Variants in GABRG3 observed in about 807,000 individuals in gnomAD.
The protein encoded by GABRG3 is gamma-aminobutyric acid receptor subunit gamma-3.
In GABRG3, 25 loss-of-function variants were observed where a neutral mutation model predicts 48.8. That is an observed-to-expected ratio of 0.51 (90% CI 0.37 to 0.72). The LOEUF (loss-of-function observed/expected upper bound fraction) is 0.72. GABRG3 is among the 30% of genes least tolerant of loss of function. GABRG3 has a pLI of 0.00. For synonymous variants in GABRG3, 227 were observed against 217.6 expected (o/e 1.04, Z -0.38); for missense variants, 394 against 577.9 (o/e 0.68, Z 3.26).
intron 6 of GABRG3, among the ~76,000 whole-genome samples, chr15:27,518,408 A>G (rs919870758): frequency 6.7e-6 from 1 of 148,906 alleles, no homozygotes; most frequent in Non-Finnish European, 1.5e-5. Flanking sequence ...AGTCTTTTTC[A>G]TTCAGCAAAT....
intron 3 of GABRG3, among the ~76,000 whole-genome samples, chr15:27,170,119 G>A (rs760236845): frequency 1.3e-5 from 2 of 152,208 alleles, no homozygotes; most frequent in Non-Finnish European, 2.9e-5. Flanking sequence ...GGAAACGGGA[G>A]CCTACTGAAG....
At chr15:27,326,764 A>C in intron 3 of GABRG3, 45 bp from the exon 4 acceptor site, 1 of 1,457,610 alleles carries the variant, frequency 6.9e-7, no homozygotes, top group South Asian at 1.1e-5. Flanking sequence ...TATACAGAAC[A>C]TTTATTAATA....
chr15:27,434,097 C>T (rs1888537256), intron 5 of GABRG3, among the ~76,000 whole-genome samples: 1 of 152,180 alleles, frequency 6.6e-6, no homozygotes, highest in Non-Finnish European at 1.5e-5. Context: ...AAATTTCATG[C>T]AGCTGATTTC....
intron 3 of GABRG3, among the ~76,000 whole-genome samples, chr15:27,172,316 C>A (rs888298390): frequency 6.6e-6 from 1 of 152,060 alleles, no homozygotes; most frequent in Non-Finnish European, 1.5e-5. Context: ...CTTTTGAAAT[C>A]TTGGAAGGCT....
chr15:27,116,453 C>G (rs752630430), intron 3 of GABRG3, among the ~76,000 whole-genome samples: 1 of 152,150 alleles, frequency 6.6e-6, no homozygotes, highest in Non-Finnish European at 1.5e-5. Context: ...GAAACATCCA[C>G]TATCTACCTA....
chr15:27,176,575 CA>C (rs1217966680), intron 3 of GABRG3, among the ~76,000 whole-genome samples: 2 of 152,286 alleles, frequency 1.3e-5, no homozygotes, highest in African/African-American at 4.8e-5. Context: ...CTAAGAATAA[CA>C]GTTGTCACTT....
chr15:27,514,106 G>C (rs191505574), intron 6 of GABRG3, among the ~76,000 whole-genome samples: 68 of 152,266 alleles, frequency 4.5e-4, no homozygotes, highest in African/African-American at 1.6e-3. Context: ...TTTTTAAACT[G>C]ATTCTACAAT....
At chr15:27,304,504 G>A (rs1001001608) in intron 3 of GABRG3, among the ~76,000 whole-genome samples, 4 of 151,918 alleles carry the variant, frequency 2.6e-5, no homozygotes, top group Non-Finnish European at 5.9e-5. Flanking sequence ...AGCAGAATTC[G>A]TTCTAGAATG....
At chr15:27,388,369 A>AAAGG (rs1229639979) in intron 5 of GABRG3, among the ~76,000 whole-genome samples, 2 of 31,934 alleles carry the variant, frequency 6.3e-5, no homozygotes, top group African/African-American at 9.2e-5. Context: ...AGGAAGGAAG[A>AAAGG]AAGGAAGGAA....
chr15:27,148,597 A>C (rs1898253213), intron 3 of GABRG3, among the ~76,000 whole-genome samples: 1 of 152,034 alleles, frequency 6.6e-6, no homozygotes, highest in Non-Finnish European at 1.5e-5. Context: ...TGTTGCAAAG[A>C]TTCTCAACAA....
chr15:27,202,554 C>A (rs1888718508), intron 3 of GABRG3, among the ~76,000 whole-genome samples: 1 of 152,044 alleles, frequency 6.6e-6, no homozygotes, highest in Non-Finnish European at 1.5e-5. Flanking sequence ...TAAATGTGAC[C>A]ATTTCCCTAC....
At chr15:27,112,954 C>T (rs527533578) in intron 3 of GABRG3, among the ~76,000 whole-genome samples, 1 of 152,264 alleles carries the variant, frequency 6.6e-6, no homozygotes, top group Non-Finnish European at 1.5e-5. Context: ...AGAATAAAGT[C>T]TAGAAATGTT....
At chr15:27,203,259 G>A (rs899303455) in intron 3 of GABRG3, among the ~76,000 whole-genome samples, 5 of 152,040 alleles carry the variant, frequency 3.3e-5, no homozygotes, top group Non-Finnish European at 7.4e-5. Context: ...ATGTGTACTC[G>A]ATGTTTAGCT....
intron 6 of GABRG3, among the ~76,000 whole-genome samples, chr15:27,501,833 T>A (rs1283456969): frequency 6.6e-6 from 1 of 152,040 alleles, no homozygotes; most frequent in Non-Finnish European, 1.5e-5. Flanking sequence ...ACACCTCTGG[T>A]TTGTCATATT....
intron 3 of GABRG3, among the ~76,000 whole-genome samples, chr15:27,209,328 CTCTT>C (rs200595889): frequency 3.0e-4 from 45 of 148,386 alleles, no homozygotes; most frequent in Admixed American, 2.2e-3. Context: ...CTGGGAAATG[CTCTT>C]TCTTTCTTTC....
chr15:27,029,278 CT>C (rs149380649), intron 3 of GABRG3, among the ~76,000 whole-genome samples: 8,999 of 152,292 alleles, frequency 0.059, 305 homozygotes, highest in Admixed American at 0.073. Flanking sequence ...CTAGCAAGTG[CT>C]TTCCTCTGCA....
In GABRG3 at chr15:27,206,825, A is replaced by G. The variant is rs574920661; in HGVS notation, c.271-119984A>G. ...GGTAATATCCTTCTGTGTCCTTTTG[A>G]TCATTGTTGGTTTAGTCTGTTTTGT... is the stretch of plus-strand genomic sequence containing the variant. On this transcript the variant is annotated intron_variant, in intron 3 of 9. Transcript: ENST00000615808. 1.3e-4 allele frequency among the ~76,000 whole-genome samples: 20 copies of G among 151,946 alleles called. No homozygotes were observed. In the Middle Eastern group the frequency reaches 0.01, roughly 78 times the overall value.
intron 3 of GABRG3, among the ~76,000 whole-genome samples, chr15:27,119,410 T>C (rs1421156878): frequency 6.6e-6 from 1 of 152,250 alleles, no homozygotes; most frequent in African/African-American, 2.4e-5. Flanking sequence ...GATATAACTT[T>C]TTCAGTCCTA....
At chr15:27,058,824 G>C (rs759963466) in intron 3 of GABRG3, among the ~76,000 whole-genome samples, 1 of 152,084 alleles carries the variant, frequency 6.6e-6, no homozygotes, top group African/African-American at 2.4e-5. Context: ...ATGCCATATC[G>C]TATAAAGTAA....
Sources: allele counts gnomAD v4.1 joint callset (sites outside exome capture counted in the v4.1 genomes callset), GRCh38; gene constraint gnomAD v4.1.1; transcripts MANE v1.5; gene names NCBI Gene and HGNC (gene_info 2026-07-23, HGNC 2026-07-21).